KCNQ5: variants seen among roughly 807,000 people sequenced by gnomAD.
KCNQ5 encodes the protein potassium voltage-gated channel subfamily Q member 5, also known as potassium voltage-gated channel subfamily KQT member 5.
KCNQ5 carries 30 observed loss-of-function variants against 98.2 expected under a neutral mutation model. The ratio of observed to expected loss-of-function variants is 0.31; its 90% CI spans 0.23 to 0.41. KCNQ5 has a LOEUF of 0.41. KCNQ5 is among the 10% of genes least tolerant of loss of function. The pLI, the probability that KCNQ5 is intolerant of heterozygous loss-of-function variation, is 1.00. For missense variants in KCNQ5, 835 were observed against 1,182.5 expected (o/e 0.71, Z 4.31); for synonymous variants, 458 against 449.4 (o/e 1.02, Z -0.24).
chr6:73,036,894 T>C (rs1377343066), intron 2 of KCNQ5, among the ~76,000 whole-genome samples: 1 of 152,202 alleles, frequency 6.6e-6, no homozygotes, highest in Non-Finnish European at 1.5e-5. Context: ...ATATGGTAAC[T>C]ATATGTCCAG....
chr6:72,954,389 C>A (rs1766946088), intron 1 of KCNQ5, among the ~76,000 whole-genome samples: 2 of 152,164 alleles, frequency 1.3e-5, no homozygotes, highest in African/African-American at 4.8e-5. Flanking sequence ...GCAAAAAATA[C>A]TGCAGGAAAG....
At chr6:73,024,738 A>G (rs898879004) in intron 2 of KCNQ5, among the ~76,000 whole-genome samples, 3 of 152,216 alleles carry the variant, frequency 2.0e-5, no homozygotes, top group Non-Finnish European at 4.4e-5. Context: ...TTTCAGATGA[A>G]CAAAAACATT....
At chr6:72,687,839 T>C (rs1768032084) in intron 1 of KCNQ5, among the ~76,000 whole-genome samples, 1 of 150,324 alleles carries the variant, frequency 6.7e-6, no homozygotes, top group South Asian at 2.1e-4. Flanking sequence ...TGATCCCTTT[T>C]TTTTTTTTTT....
At chr6:72,961,775 A>G (rs1767369485) in intron 1 of KCNQ5, among the ~76,000 whole-genome samples, 1 of 152,108 alleles carries the variant, frequency 6.6e-6, no homozygotes, top group Non-Finnish European at 1.5e-5. Context: ...CCATTCAGGT[A>G]ATTGTGCATG....
intron 1 of KCNQ5, among the ~76,000 whole-genome samples, chr6:72,767,807 A>G (rs1561970416): frequency 6.6e-6 from 1 of 152,014 alleles, no homozygotes; most frequent in Non-Finnish European, 1.5e-5. Context: ...CCCAATTAGG[A>G]TGGCTATAGT....
At chr6:73,044,108 C>A (rs1771845446) in intron 3 of KCNQ5, among the ~76,000 whole-genome samples, 1 of 152,116 alleles carries the variant, frequency 6.6e-6, no homozygotes, top group Admixed American at 6.5e-5. Flanking sequence ...ATGGAAAGAC[C>A]TGTCTCTACA....
chr6:72,791,566 T>G (rs2025433417), intron 1 of KCNQ5, among the ~76,000 whole-genome samples: 2 of 152,180 alleles, frequency 1.3e-5, no homozygotes, highest in South Asian at 4.1e-4. Context: ...GGATTACTTT[T>G]GTAAATTCAA....
intron 1 of KCNQ5, among the ~76,000 whole-genome samples, chr6:72,787,031 A>C (rs753428792): frequency 1.4e-5 from 2 of 147,218 alleles, no homozygotes; most frequent in Non-Finnish European, 3.0e-5. Flanking sequence ...AAAAAAAAAG[A>C]AATGAGAATC....
chr6:72,923,213 A>C (rs1044816816), intron 1 of KCNQ5, among the ~76,000 whole-genome samples: 9 of 152,188 alleles, frequency 5.9e-5, no homozygotes, highest in African/African-American at 1.9e-4. Context: ...GAGTGCAGAT[A>C]TCTCTTCCAC....
At chr6:72,994,461 G>A (rs1438905018) in intron 1 of KCNQ5, among the ~76,000 whole-genome samples, 5 of 131,314 alleles carry the variant, frequency 3.8e-5, no homozygotes, top group African/African-American at 1.5e-4. Context: ...ACTCGGAAAG[G>A]GAACTCCCTG....
At chr6:72,631,604 GATGTTATAAACTCATCA>G (rs1484942197) in intron 1 of KCNQ5, among the ~76,000 whole-genome samples, 1 of 152,196 alleles carries the variant, frequency 6.6e-6, no homozygotes, top group African/African-American at 2.4e-5. Context: ...ATTCTTCAGT[GATGTTATAAACTCATCA>G]GTGTTAACCT....
chr6:72,761,336 A>G (rs1772260030), intron 1 of KCNQ5, among the ~76,000 whole-genome samples: 2 of 152,092 alleles, frequency 1.3e-5, no homozygotes, highest in South Asian at 2.1e-4. Flanking sequence ...AGAATACAAT[A>G]GAATTCTAAA....
rs1274638840 is a variant in KCNQ5 at position 72,663,057 on chromosome 6, T to A, written c.398+40470T>A. Among the ~76,000 whole-genome samples the A allele has an allele frequency of 2.6e-5, 4 of 152,104 alleles. No individual in the cohort carries two copies. The South Asian group carries it at 8.3e-4, about 31-fold the overall frequency. On this transcript the variant is annotated intron_variant, in intron 1 of 13. Coordinates refer to ENST00000370398, the MANE Select transcript of KCNQ5 (RefSeq NM_019842.4). Reference sequence around the variant, plus strand: ...CAAGAACAGAAAACCGAACACTGCATGTTCTCTCTTGTAAGTGGGAGTAGA... The same window carrying A: ...CAAGAACAGAAAACCGAACACTGCAAGTTCTCTCTTGTAAGTGGGAGTAGA...
At chr6:72,800,561 C>G (rs1412750390) in intron 1 of KCNQ5, among the ~76,000 whole-genome samples, 2 of 152,018 alleles carry the variant, frequency 1.3e-5, no homozygotes, top group Non-Finnish European at 2.9e-5. Context: ...TTTTGTTGAT[C>G]CTTTCAAAAA....
intron 11 of KCNQ5, among the ~76,000 whole-genome samples, chr6:73,186,089 G>A (rs1778561169): frequency 1.3e-5 from 2 of 152,134 alleles, no homozygotes; most frequent in African/African-American, 4.8e-5. Flanking sequence ...ATTAACCGGT[G>A]TGGGGGTATC....
intron 1 of KCNQ5, among the ~76,000 whole-genome samples, chr6:72,839,080 G>T (rs1237470401): frequency 6.6e-6 from 1 of 150,904 alleles, no homozygotes; most frequent in African/African-American, 2.4e-5. Flanking sequence ...TATATAAAAT[G>T]ATTTTTTTCA....
chr6:72,919,047 G>A (rs528464399), intron 1 of KCNQ5, among the ~76,000 whole-genome samples: 2 of 152,014 alleles, frequency 1.3e-5, no homozygotes, highest in South Asian at 4.2e-4. Context: ...CATAATTTCA[G>A]TTAGCACATG....
chr6:73,156,301 T>C (rs1777360233), intron 10 of KCNQ5, among the ~76,000 whole-genome samples: 1 of 152,214 alleles, frequency 6.6e-6, no homozygotes, highest in South Asian at 2.1e-4. Flanking sequence ...CATAATGAAA[T>C]AGAATCATCA....
intron 1 of KCNQ5, among the ~76,000 whole-genome samples, chr6:72,941,712 C>T (rs1448652041): frequency 1.9e-4 from 4 of 21,000 alleles, no homozygotes; most frequent in African/African-American, 5.7e-4. Context: ...TTCTTTCTTT[C>T]TTTCTTTCTT....
Sources: allele counts gnomAD v4.1 joint callset (sites outside exome capture counted in the v4.1 genomes callset), GRCh38; gene constraint gnomAD v4.1.1; transcripts MANE v1.5; gene names NCBI Gene and HGNC (gene_info 2026-07-23, HGNC 2026-07-21).